BMPER: variants seen among roughly 807,000 people sequenced by gnomAD.
The protein encoded by BMPER is BMP binding endothelial regulator.
Under a neutral mutation model 87.3 loss-of-function variants are expected in BMPER, and 45 were observed. The ratio of observed to expected loss-of-function variants is 0.52; its 90% CI spans 0.41 to 0.66. The LOEUF is 0.66. BMPER is among the 30% of genes least tolerant of loss of function. The pLI, the probability that BMPER is intolerant of heterozygous loss-of-function variation, is 0.00. For missense variants in BMPER, 784 were observed against 867.5 expected (o/e 0.90, Z 1.21); for synonymous variants, 326 against 316.2 (o/e 1.03, Z -0.33).
intron 6 of BMPER, among the ~76,000 whole-genome samples, chr7:34,000,248 G>C (rs1044874483): frequency 2.0e-5 from 3 of 152,060 alleles, no homozygotes; most frequent in Non-Finnish European, 2.9e-5. Flanking sequence ...GTTTTAGTGT[G>C]GGAGTGCAAC....
chr7:34,037,712 C>T (rs559254960), intron 6 of BMPER, among the ~76,000 whole-genome samples: 6 of 152,162 alleles, frequency 3.9e-5, no homozygotes, highest in African/African-American at 7.2e-5. Flanking sequence ...TCATTAACAC[C>T]GAAAGTTGCT....
chr7:34,101,083 A>G (rs937515987), intron 13 of BMPER, among the ~76,000 whole-genome samples: 1 of 152,228 alleles, frequency 6.6e-6, no homozygotes, highest in Non-Finnish European at 1.5e-5. Flanking sequence ...AAGTTTGAGA[A>G]GTGCTGGGTT....
Position 34,062,014 on chromosome 7 carries a change from A to C in BMPER, c.1045A>C (p.Asn349His). The C allele has an allele frequency of 6.2e-7, 1 of 1,610,202 alleles. No individual in the cohort carries two copies. The highest frequency in any genetic ancestry group is 8.5e-7 in the Non-Finnish European group (1 of 1,178,790). Reference sequence around the variant, plus strand: ...TTCTTCTGATTAGGGCAAAATTCTCAACAGAAAAGGATGCTGTCCTATTTG... The same window carrying C: ...TTCTTCTGATTAGGGCAAAATTCTCCACAGAAAAGGATGCTGTCCTATTTG... ...ISSCPQGKIL[N>H]RKGCCPICTE... The change falls in exon 11 of 15, where the codon AAC becomes CAC. Residue 349 changes from asparagine to histidine, a missense_variant. Transcript: ENST00000649409.
At chr7:34,066,729 G>C (rs1788603471) in intron 11 of BMPER, among the ~76,000 whole-genome samples, 1 of 152,152 alleles carries the variant, frequency 6.6e-6, no homozygotes, top group Non-Finnish European at 1.5e-5. Context: ...TAAATTCTTT[G>C]CTGGCAGGAT....
intron 13 of BMPER, among the ~76,000 whole-genome samples, chr7:34,100,199 A>G (rs943884433): frequency 1.3e-5 from 2 of 152,232 alleles, no homozygotes; most frequent in African/African-American, 4.8e-5. Context: ...AATGAAGAAG[A>G]CATTCAACCA....
chr7:34,150,495 C>G (rs781339558), intron 14 of BMPER, among the ~76,000 whole-genome samples: 8 of 152,086 alleles, frequency 5.3e-5, no homozygotes, highest in Non-Finnish European at 7.4e-5. Context: ...CACCATTAGT[C>G]CACTGAAGCA....
rs569547414 is a variant in BMPER, at chr7:34,085,676, C to T, written c.1409-80C>T. 17 of 1,311,316 alleles carry T rather than the reference C, an allele frequency of 1.3e-5. No individual in the cohort carries two copies. The Admixed American group carries it at 2.0e-4, about 15-fold the overall frequency. The allele number at this position is 1,311,316 out of a possible 1,614,324, so 81.2% of individuals were successfully genotyped here. A position where few individuals can be genotyped will look rare whatever the true frequency, so the allele number is the denominator to read the frequency against. On this transcript the variant is annotated intron_variant, in intron 12 of 14. Coordinates refer to ENST00000649409, the MANE Select transcript of BMPER (RefSeq NM_001365308.1). ...ATTGGAGGACAGTCAGTCATATGTT[C>T]TGTGTAAGGATGTATACATTTGGGA...
rs113403813 is a variant in BMPER, at chr7:33,969,683, G to A, written c.403-646G>A. Among the ~76,000 whole-genome samples, 876 of 152,378 alleles carry A rather than the reference G, an allele frequency of 5.7e-3. 4 individuals are homozygous for A. The highest frequency in any genetic ancestry group is 0.02 in the African/African-American group (822 of 41,590). On this transcript the variant is annotated intron_variant, in intron 4 of 14. Transcript: ENST00000649409. ...CAAAGTGCTGGGATTATAGGCGTGA[G>A]CCACTGCGTCCGGCCACTTGATTTT...
At chr7:33,931,762 C>T (rs930667378) in intron 2 of BMPER, among the ~76,000 whole-genome samples, 1 of 152,228 alleles carries the variant, frequency 6.6e-6, no homozygotes, top group Non-Finnish European at 1.5e-5. Context: ...TTCCTAACAA[C>T]AAATTCCTAT....
chr7:34,092,846 C>G (rs936854359), intron 13 of BMPER, among the ~76,000 whole-genome samples: 3 of 152,176 alleles, frequency 2.0e-5, no homozygotes, highest in African/African-American at 7.2e-5. Context: ...AGTCTAAAAT[C>G]CTCTTATGTT....
chr7:34,138,377 A>G (rs1790777381), intron 13 of BMPER, among the ~76,000 whole-genome samples: 1 of 152,182 alleles, frequency 6.6e-6, no homozygotes, highest in Non-Finnish European at 1.5e-5. Flanking sequence ...TCATTGAAAC[A>G]TGACACACAA....
chr7:34,106,661 C>G (rs967707280), intron 13 of BMPER, among the ~76,000 whole-genome samples: 1 of 152,208 alleles, frequency 6.6e-6, no homozygotes, highest in Non-Finnish European at 1.5e-5. Flanking sequence ...CTGCCTTAGG[C>G]TTTTTGGGCC....
intron 3 of BMPER, among the ~76,000 whole-genome samples, chr7:33,953,906 C>T (rs1785088171): frequency 6.6e-6 from 1 of 152,112 alleles, no homozygotes; most frequent in African/African-American, 2.4e-5. Flanking sequence ...AATATTTGTC[C>T]TTTTGTGCCT....
At chr7:33,920,869 T>C (rs1047628839) in intron 2 of BMPER, among the ~76,000 whole-genome samples, 1 of 152,198 alleles carries the variant, frequency 6.6e-6, no homozygotes, top group Admixed American at 6.5e-5. Flanking sequence ...TAAATCTTGG[T>C]TAGGTACAGT....
intron 13 of BMPER, among the ~76,000 whole-genome samples, chr7:34,124,023 A>G (rs368710948): frequency 6.6e-6 from 1 of 152,178 alleles, no homozygotes. Flanking sequence ...TTGAATGTAC[A>G]TTTGCCCTTG....
intron 5 of BMPER, among the ~76,000 whole-genome samples, chr7:33,971,370 C>A (rs145714860): frequency 1.3e-5 from 2 of 152,268 alleles, no homozygotes; most frequent in African/African-American, 4.8e-5. Context: ...ACAAGGATAG[C>A]CAGCTTCCAC....
chr7:33,931,999 T>C (rs1174881577), intron 2 of BMPER, among the ~76,000 whole-genome samples: 5 of 152,200 alleles, frequency 3.3e-5, no homozygotes, highest in African/African-American at 9.7e-5. Flanking sequence ...CTTGTAGGTT[T>C]CTGGAGACTA....
intron 6 of BMPER, 27 bp downstream of exon 6, chr7:33,974,811 G>A (rs1281405711): frequency 6.2e-7 from 1 of 1,606,088 alleles, no homozygotes; most frequent in South Asian, 1.1e-5. Flanking sequence ...ATGTTCCCAG[G>A]GTGTCCTTTG....
At chr7:34,097,207 G>A (rs886819479) in intron 13 of BMPER, among the ~76,000 whole-genome samples, 1 of 152,208 alleles carries the variant, frequency 6.6e-6, no homozygotes, top group Non-Finnish European at 1.5e-5. Flanking sequence ...CTGGGGAAGA[G>A]AACAAAGGAA....
Sources: gnomAD v4.1 joint callset for allele counts (sites outside exome capture counted in the v4.1 genomes callset) on GRCh38, gnomAD v4.1.1 for gene constraint, MANE v1.5 for transcripts, NCBI Gene and HGNC (gene_info 2026-07-23, HGNC 2026-07-21) for gene names.